The following PTBP2 variants were observed in gnomAD, a reference collection of about 807,000 sequenced individuals.
PTBP2 encodes the protein polypyrimidine tract-binding protein 2.
A neutral mutation model predicts 61.4 loss-of-function variants in PTBP2; 13 were observed. The observed-to-expected ratio is 0.21, with a 90% confidence interval of 0.14 to 0.34. The LOEUF (loss-of-function observed/expected upper bound fraction) is 0.34. Among genes scored for constraint, PTBP2 ranks in the 10% least tolerant of loss-of-function variants. The probability of loss-of-function intolerance (pLI) is 1.00; values close to 1 mark genes in which losing one functional copy is unlikely to be tolerated. For missense variants in PTBP2, 405 were observed against 642.6 expected, an observed-to-expected ratio of 0.63 and a Z score of 4.00; for synonymous variants, 215 against 218.5, an observed-to-expected ratio of 0.98 and a Z score of 0.14.
chr1:96,800,425 A>C (rs1212226328), intron 8 of PTBP2, among the ~76,000 whole-genome samples: 3 of 137,218 alleles, frequency 2.2e-5, no homozygotes, highest in Non-Finnish European at 4.6e-5. Context: ...AATGTTTCAG[A>C]TCTGTCACAC....
chr1:96,751,294 T>G (rs771985993), intron 2 of PTBP2, 131 bp from the exon 3 acceptor site: 11 of 778,182 alleles, frequency 1.4e-5, no homozygotes, highest in South Asian at 4.3e-5. Flanking sequence ...ATGAAGTTAA[T>G]TTTTTATTAT....
chr1:96,740,186 A>G (rs781108764), intron 2 of PTBP2, among the ~76,000 whole-genome samples: 2 of 152,204 alleles, frequency 1.3e-5, no homozygotes, highest in African/African-American at 4.8e-5. Flanking sequence ...TCAGACTTCC[A>G]TAACAAAATA....
Position 96,813,113 on chromosome 1 carries a change from A to ATTT in PTBP2, c.1466+7_1466+8insTTT, listed in dbSNP as rs1333828283. ...AAGCATTTAAGTTTTTTCAGTAAGCAAGCTTCCTTATCTTTAAATTAGTGA... is the reference window on the plus strand; with the variant it reads ...AAGCATTTAAGTTTTTTCAGTAAGCATTTAGCTTCCTTATCTTTAAATTAGTGA... On this transcript the variant is annotated splice_region_variant and intron_variant, in intron 13 of 13. Coordinates refer to ENST00000674951, the MANE Select transcript of PTBP2 (RefSeq NM_021190.4). The ATTT allele has an allele frequency of 6.2e-7, 1 of 1,603,494 alleles. No homozygotes were observed. Among genetic ancestry groups the ATTT allele is most frequent in the Non-Finnish European group, 8.5e-7 (1 of 1,172,822 alleles).
intron 2 of PTBP2, chr1:96,749,765 C>G (rs1040844895): frequency 1.3e-4 from 54 of 409,822 alleles, no homozygotes; most frequent in Non-Finnish European, 3.1e-5. Flanking sequence ...GTGAGCACTA[C>G]TGATGTGAGC....
intron 1 of PTBP2, 145 bp downstream of exon 1, chr1:96,722,017 C>A: frequency 9.3e-7 from 1 of 1,077,662 alleles, no homozygotes; most frequent in Admixed American, 2.3e-5. Context: ...TCGCACACAC[C>A]CCTCCCTTTG....
At chr1:96,799,427 C>G (rs1488897496) in intron 8 of PTBP2, among the ~76,000 whole-genome samples, 1 of 151,342 alleles carries the variant, frequency 6.6e-6, no homozygotes, top group East Asian at 1.9e-4. Flanking sequence ...TCCCGAGTAG[C>G]TGCTACTACA....
chr1:96,761,171 G>A (rs551148855), intron 3 of PTBP2, among the ~76,000 whole-genome samples: 1 of 152,134 alleles, frequency 6.6e-6, no homozygotes, highest in South Asian at 2.1e-4. Context: ...CTGGTGTGAT[G>A]GAAACGTCCT....
In PTBP2 at chr1:96,814,674, T is replaced by C. The variant is rs1242024947; in HGVS notation, c.*1269T>C. The C allele has an allele frequency of 6.6e-6, 1 of 152,566 alleles. No individual in the cohort carries two copies. The highest frequency in any genetic ancestry group is 2.4e-5 in the African/African-American group (1 of 41,448). The allele number at this position is 152,566 out of a possible 1,614,324, so 9.5% of individuals were successfully genotyped here. A position where few individuals can be genotyped will look rare whatever the true frequency, so the allele number is the denominator to read the frequency against. On this transcript the variant is annotated 3_prime_UTR_variant, in exon 14 of 14. Transcript: ENST00000674951. The stretch of plus-strand genomic sequence containing the variant: ...TTAGTTTCAAGATTCATAGATTCTG[T>C]TATCTATGTAGACAGAATGGTCATG...
At chr1:96,781,264 C>T (rs904128242) in intron 7 of PTBP2, among the ~76,000 whole-genome samples, 3 of 151,974 alleles carry the variant, frequency 2.0e-5, no homozygotes, top group African/African-American at 4.8e-5. Flanking sequence ...TTGACATCTT[C>T]CCCTACCTCC....
Position 96,770,746 on chromosome 1 carries a change from T to C in PTBP2, c.327T>C (p.Thr109=). The C allele has an allele frequency of 6.2e-7, 1 of 1,612,012 alleles. No homozygotes were observed. Among genetic ancestry groups the C allele is most frequent in the Non-Finnish European group, 8.5e-7 (1 of 1,178,336 alleles). ...LELATEEAAI[T]MVNYYSAVTP... The stretch of plus-strand genomic sequence containing the variant: ...TAGCAACCGAGGAAGCAGCTATTAC[T>C]ATGGTTAATTACTATTCTGCTGTGA... Residue 109 remains threonine (T), a synonymous_variant, in exon 5 of 14, where the codon ACT becomes ACC. Coordinates refer to ENST00000674951, the MANE Select transcript of PTBP2 (RefSeq NM_021190.4).
At chr1:96,801,627 G>A (rs1336880101) in intron 8 of PTBP2, among the ~76,000 whole-genome samples, 1 of 151,974 alleles carries the variant, frequency 6.6e-6, no homozygotes, top group Non-Finnish European at 1.5e-5. Flanking sequence ...GGCTGAGGCA[G>A]GTGGATCACC....
At chr1:96,744,063 C>T (rs1172093483) in intron 2 of PTBP2, among the ~76,000 whole-genome samples, 4 of 151,922 alleles carry the variant, frequency 2.6e-5, no homozygotes, top group South Asian at 2.1e-4. Flanking sequence ...TTGTTGCACG[C>T]GCCTATAGTC....
chr1:96,742,564 TGGG>T (rs1288273110), intron 2 of PTBP2, among the ~76,000 whole-genome samples: 3 of 152,048 alleles, frequency 2.0e-5, no homozygotes, highest in African/African-American at 7.2e-5. Context: ...TCTTTTTTGT[TGGG>T]GGCAGTGGAG....
intron 3 of PTBP2, among the ~76,000 whole-genome samples, chr1:96,767,129 T>A (rs878909005): frequency 6.6e-6 from 1 of 152,150 alleles, no homozygotes; most frequent in Admixed American, 6.5e-5. Context: ...GAAGTCAAGA[T>A]CTTTGTCTTA....
At chr1:96,770,956 C>A in intron 5 of PTBP2, 105 bp downstream of exon 5, 1 of 926,258 alleles carries the variant, frequency 1.1e-6, no homozygotes, top group Non-Finnish European at 1.6e-6. Context: ...TCCTTATAGG[C>A]ATTTTCTTGT....
chr1:96,756,413 A>G (rs549453889), intron 3 of PTBP2, among the ~76,000 whole-genome samples: 2 of 152,310 alleles, frequency 1.3e-5, no homozygotes, highest in Admixed American at 6.5e-5. Flanking sequence ...ATATACTTTC[A>G]TTGTATGATC....
At chr1:96,786,795 A>T (rs576020708) in intron 8 of PTBP2, among the ~76,000 whole-genome samples, 7 of 152,310 alleles carry the variant, frequency 4.6e-5, no homozygotes. Context: ...AACTCCAGCT[A>T]AAGATAAAAT....
intron 3 of PTBP2, among the ~76,000 whole-genome samples, chr1:96,766,566 G>A (rs532115356): frequency 2.9e-4 from 44 of 152,082 alleles, no homozygotes; most frequent in African/African-American, 9.6e-4. Context: ...ACCCTTTTTC[G>A]GTGTTGCTGG....
rs900679311 is a variant in PTBP2 at position 96,777,816 on chromosome 1, T to C, written c.598-20T>C. 6.5e-7 allele frequency: 1 copy of C among 1,542,414 alleles called. No homozygotes were observed. Among genetic ancestry groups the C allele is most frequent in the Non-Finnish European group, 8.8e-7 (1 of 1,134,618 alleles). ...ATAATATAGTAAATAAGTAATGTTT[T>C]GATTTTAATGTTTTAACAGATATTT... On this transcript the variant is annotated intron_variant, in intron 6 of 13. Coordinates refer to ENST00000674951, the MANE Select transcript of PTBP2 (RefSeq NM_021190.4).
Sources: gnomAD v4.1 joint callset for allele counts (sites outside exome capture counted in the v4.1 genomes callset) on GRCh38, gnomAD v4.1.1 for gene constraint, MANE v1.5 for transcripts, NCBI Gene and HGNC (gene_info 2026-07-23, HGNC 2026-07-21) for gene names.